Variants in PDE1C observed in about 807,000 individuals in gnomAD.
PDE1C encodes the protein dual specificity calcium/calmodulin-dependent 3',5'-cyclic nucleotide phosphodiesterase 1C.
A neutral mutation model predicts 93.1 loss-of-function variants in PDE1C; 62 were observed. The observed-to-expected ratio is 0.67, with a 90% confidence interval of 0.54 to 0.82. PDE1C has a LOEUF of 0.82. PDE1C is among the 40% of genes least tolerant of loss of function. The pLI is 0.00. For missense variants in PDE1C, 742 were observed against 884.6 expected (o/e 0.84, Z 2.04); for synonymous variants, 325 against 310.1 (o/e 1.05, Z -0.50).
rs770058669 is a variant in PDE1C, at chr7:32,170,005, C to G, written c.137-49G>C. 9 of 1,526,596 alleles carry G rather than the reference C, an allele frequency of 5.9e-6. No individual in the cohort carries two copies. The South Asian group carries it at 1.1e-4, about 18-fold the overall frequency. 94.6% of individuals were successfully genotyped at this position (1,526,596 alleles called of 1,614,324 possible). A position where few individuals can be genotyped will look rare whatever the true frequency, so the allele number is the denominator to read the frequency against. On this transcript the variant is annotated intron_variant, in intron 2 of 18. Coordinates refer to the PDE1C transcript ENST00000396193. ...TGCAGGTGAATCATCCACCAGTTGA[C>G]TCCATGTCCTGCCTTCCCCAACTCA...
intron 1 of PDE1C, among the ~76,000 whole-genome samples, chr7:32,321,738 T>A (rs973065395): frequency 2.6e-5 from 4 of 152,220 alleles, no homozygotes; most frequent in Admixed American, 1.3e-4. Flanking sequence ...ACTTACCAAC[T>A]GGCATAAATT....
the PDE1C span, among the ~76,000 whole-genome samples, chr7:31,680,740 A>G: frequency 6.6e-6 from 1 of 152,110 alleles, no homozygotes; most frequent in Non-Finnish European, 1.5e-5. Context: ...TCTCCATTCG[A>G]CAAGACAAAC....
chr7:32,105,035 T>C (rs1274867151), intron 3 of PDE1C, among the ~76,000 whole-genome samples: 1 of 152,080 alleles, frequency 6.6e-6, no homozygotes, highest in Non-Finnish European at 1.5e-5. Context: ...ACTTCATGTC[T>C]CCCAAGCTGG....
At chr7:32,298,524 CG>C (rs982394986) in intron 1 of PDE1C, 1 of 1,182,776 alleles carries the variant, frequency 8.5e-7, no homozygotes, top group African/African-American at 1.6e-5. Flanking sequence ...GGCTCCCGCC[CG>C]GAGAGCACCC....
At chr7:31,768,339 C>T (rs1012626796) in intron 17 of PDE1C, among the ~76,000 whole-genome samples, 4 of 152,134 alleles carry the variant, frequency 2.6e-5, no homozygotes, top group Admixed American at 6.5e-5. Flanking sequence ...GGTCTGTAAG[C>T]GGCCCAGACT....
chr7:31,784,726 C>A (rs1216870091), intron 16 of PDE1C: 1 of 151,894 alleles, frequency 6.6e-6, no homozygotes, highest in African/African-American at 2.4e-5. Context: ...CCTAACCAAG[C>A]TCTACAAATG....
the PDE1C span, among the ~76,000 whole-genome samples, chr7:31,648,114 G>A: frequency 6.6e-6 from 1 of 152,124 alleles, no homozygotes; most frequent in African/African-American, 2.4e-5. Flanking sequence ...CTGAATATTA[G>A]AAGTGCTTCC....
intron 2 of PDE1C, among the ~76,000 whole-genome samples, chr7:31,989,990 C>A (rs941259141): frequency 6.6e-6 from 1 of 152,210 alleles, no homozygotes; most frequent in Non-Finnish European, 1.5e-5. Context: ...CCAAAGCAGT[C>A]CTTCCCTCCT....
rs531437022 is a variant in PDE1C at position 32,143,123 on chromosome 7, T to C, written c.308+26662A>G. ...ATGGTCAACAGCAGGGATTGGCACC[T>C]GATTTGCTTTAGCTGGGACACTATG... On this transcript the variant is annotated intron_variant, in intron 3 of 18. Transcript: ENST00000396193. 8.3e-4 allele frequency among the ~76,000 whole-genome samples: 126 copies of C among 152,058 alleles called. 1 individual carries two copies. Among genetic ancestry groups the C allele is most frequent in the Non-Finnish European group, 1.1e-3 (72 of 67,992 alleles).
chr7:32,088,464 T>C (rs372383615), intron 3 of PDE1C, among the ~76,000 whole-genome samples: 1 of 152,346 alleles, frequency 6.6e-6, no homozygotes, highest in African/African-American at 2.4e-5. Context: ...CCGCAAGTAT[T>C]TGGGGCCGGG....
chr7:31,993,406 G>A (rs972016448), intron 2 of PDE1C, among the ~76,000 whole-genome samples: 3 of 152,198 alleles, frequency 2.0e-5, no homozygotes, highest in African/African-American at 7.2e-5. Flanking sequence ...GCCTAGAAGG[G>A]TATGGCTGCA....
At chr7:32,147,264 GAAAGAAAA>G (rs1360571667) in intron 3 of PDE1C, among the ~76,000 whole-genome samples, 10 of 71,098 alleles carry the variant, frequency 1.4e-4, no homozygotes, top group East Asian at 4.9e-4. Context: ...AAGAAAGAAA[GAAAGAAAA>G]AAAGAAAGAA....
chr7:31,786,907 ATCT>A (rs1784020813), intron 16 of PDE1C: 3 of 5,548 alleles, frequency 5.4e-4, no homozygotes, highest in Non-Finnish European at 2.6e-3. Flanking sequence ...CTATCTATCT[ATCT>A]ATCTATCTAT....
chr7:32,115,938 G>A (rs1056775318), intron 3 of PDE1C, among the ~76,000 whole-genome samples: 3 of 152,142 alleles, frequency 2.0e-5, no homozygotes, highest in African/African-American at 7.2e-5. Flanking sequence ...ACAAAGTTGT[G>A]CATGACTAAG....
chr7:31,761,436 G>A (rs77368817), intron 17 of PDE1C, among the ~76,000 whole-genome samples: 2,750 of 152,212 alleles, frequency 0.018, 84 homozygotes, highest in African/African-American at 0.062. Context: ...ATAGTTTGTG[G>A]CAATGGCTCA....
chr7:32,385,555 C>A (rs1269017160), intron 1 of PDE1C, among the ~76,000 whole-genome samples: 2 of 152,108 alleles, frequency 1.3e-5, no homozygotes. Context: ...AGAGCTCTCT[C>A]ACAGAAGCTG....
the PDE1C span, among the ~76,000 whole-genome samples, chr7:31,638,950 A>AT: frequency 9.9e-5 from 15 of 151,760 alleles, no homozygotes; most frequent in Non-Finnish European, 2.1e-4. Flanking sequence ...TAATTTTTGT[A>AT]TTTTTTGGTA....
chr7:32,411,630 T>G (rs748872019), intron 1 of PDE1C, among the ~76,000 whole-genome samples: 1 of 152,220 alleles, frequency 6.6e-6, no homozygotes, highest in Non-Finnish European at 1.5e-5. Flanking sequence ...GACATTACTG[T>G]ATACTACTGT....
chr7:32,061,363 G>A (rs1031967399), intron 1 of PDE1C, among the ~76,000 whole-genome samples: 5 of 152,266 alleles, frequency 3.3e-5, no homozygotes, highest in Non-Finnish European at 7.3e-5. Flanking sequence ...AATGGGCAGA[G>A]GTGGTACAGT....
Sources: gnomAD v4.1 joint callset for allele counts (sites outside exome capture counted in the v4.1 genomes callset) on GRCh38, gnomAD v4.1.1 for gene constraint, MANE v1.5 for transcripts, NCBI Gene and HGNC (gene_info 2026-07-23, HGNC 2026-07-21) for gene names.